PCDH7: variants seen among roughly 807,000 people sequenced by gnomAD.
PCDH7 encodes protocadherin 7, also known as protocadherin-7.
A neutral mutation model predicts 58.9 loss-of-function variants in PCDH7; 17 were observed. That is an observed-to-expected ratio of 0.29 (90% CI 0.20 to 0.43). PCDH7 has a LOEUF of 0.43. Among genes scored for constraint, PCDH7 ranks in the 20% least tolerant of loss-of-function variants. PCDH7 has a pLI of 1.00. For missense variants in PCDH7, 1,274 were observed against 1,441.0 expected (o/e 0.88, Z 1.88); for synonymous variants, 664 against 616.4 (o/e 1.08, Z -1.14).
intron 3 of PCDH7, among the ~76,000 whole-genome samples, chr4:31,126,867 G>C (rs765116951): frequency 6.6e-6 from 1 of 152,116 alleles, no homozygotes; most frequent in African/African-American, 2.4e-5. Context: ...GTTTCTGATA[G>C]GATTGATTTA....
At chr4:30,873,745 A>G (rs1357168426) in intron 1 of PCDH7, among the ~76,000 whole-genome samples, 1 of 152,082 alleles carries the variant, frequency 6.6e-6, no homozygotes, top group Non-Finnish European at 1.5e-5. Context: ...TCGTAATGCA[A>G]ATACCACCTG....
Position 30,866,501 on chromosome 4 carries a change from G to C in PCDH7, c.71-53652G>C, listed in dbSNP as rs549326434. Among the ~76,000 whole-genome samples, 11 of 152,100 alleles carry C rather than the reference G, an allele frequency of 7.2e-5. No individual in the cohort carries two copies. In the South Asian group the frequency reaches 2.3e-3, roughly 32 times the overall value. Reference sequence around the variant, plus strand: ...TTATTTGACTTAGATCTTTTTAATAGAGGCATTTTTGGGCTGATTGCTGTA... The same window carrying C: ...TTATTTGACTTAGATCTTTTTAATACAGGCATTTTTGGGCTGATTGCTGTA... On this transcript the variant is annotated intron_variant, in intron 1 of 3. Transcript: ENST00000509759.
At chr4:30,907,361 C>T (rs1741091939) in intron 1 of PCDH7, among the ~76,000 whole-genome samples, 1 of 152,130 alleles carries the variant, frequency 6.6e-6, no homozygotes, top group African/African-American at 2.4e-5. Context: ...TACCCATCGA[C>T]AAAGGGCTAA....
At chr4:30,969,383 G>T (rs572742569) in intron 3 of PCDH7, among the ~76,000 whole-genome samples, 98 of 152,140 alleles carry the variant, frequency 6.4e-4, no homozygotes, top group Non-Finnish European at 1.2e-3. Context: ...AGCTTTCCAG[G>T]GGAATGTCAG....
At position 31,103,229 on chromosome 4, in the gene PCDH7, T is replaced by G. The variant is rs114491715; in HGVS notation, c.*8-39244T>G. ...ATACATTTGTTTTCTTATGCTTCCT[T>G]GCAGTGTTTCTATAATTAGAAAGCT... On this transcript the variant is annotated intron_variant, in intron 3 of 3. Coordinates refer to the PCDH7 transcript ENST00000509759. Among the ~76,000 whole-genome samples, 1,431 of 152,318 alleles carry G rather than the reference T, an allele frequency of 9.4e-3. 15 individuals are homozygous for G. The highest frequency in any genetic ancestry group is 0.033 in the African/African-American group (1,357 of 41,576).
chr4:30,892,920 T>G (rs926316173), intron 1 of PCDH7, among the ~76,000 whole-genome samples: 1 of 152,098 alleles, frequency 6.6e-6, no homozygotes, highest in Non-Finnish European at 1.5e-5. Context: ...TATCACTTCC[T>G]GTTTACCTAG....
intron 1 of PCDH7, among the ~76,000 whole-genome samples, chr4:30,840,150 T>TA (rs530802566): frequency 6.3e-5 from 9 of 143,742 alleles, no homozygotes; most frequent in African/African-American, 2.0e-4. Flanking sequence ...TTTCAGTTAT[T>TA]TTTTTTTTAA....
At chr4:30,882,427 T>C (rs1362891452) in intron 1 of PCDH7, among the ~76,000 whole-genome samples, 3 of 151,992 alleles carry the variant, frequency 2.0e-5, no homozygotes, top group Non-Finnish European at 4.4e-5. Context: ...CTGGCTAATA[T>C]GTTTTGTTCT....
chr4:30,903,534 T>G (rs1740501544), intron 1 of PCDH7, among the ~76,000 whole-genome samples: 2 of 152,136 alleles, frequency 1.3e-5, no homozygotes, highest in Admixed American at 1.3e-4. Context: ...ATTCAGTCAT[T>G]TATAGAGCAC....
At chr4:30,943,576 T>A (rs1746313759) in intron 2 of PCDH7, among the ~76,000 whole-genome samples, 1 of 152,098 alleles carries the variant, frequency 6.6e-6, no homozygotes, top group South Asian at 2.1e-4. Context: ...ATCAGAGTGG[T>A]CTTAACCTCT....
At chr4:31,136,280 CTT>C (rs1719592416) in intron 3 of PCDH7, among the ~76,000 whole-genome samples, 2 of 152,170 alleles carry the variant, frequency 1.3e-5, no homozygotes, top group African/African-American at 2.4e-5. Context: ...GACATTAACT[CTT>C]TTATCCCACA....
intron 3 of PCDH7, among the ~76,000 whole-genome samples, chr4:30,983,585 A>C (rs1266951622): frequency 6.6e-6 from 1 of 152,194 alleles, no homozygotes; most frequent in Non-Finnish European, 1.5e-5. Context: ...TTTTCATCAC[A>C]CTTTATTTCA....
At chr4:30,750,715 A>T (rs966726334) in intron 1 of PCDH7, among the ~76,000 whole-genome samples, 3 of 152,152 alleles carry the variant, frequency 2.0e-5, no homozygotes, top group African/African-American at 7.2e-5. Flanking sequence ...TACTGAGAAC[A>T]TGCTGCATTC....
intron 3 of PCDH7, among the ~76,000 whole-genome samples, chr4:31,055,157 TA>T (rs1757048870): frequency 6.6e-6 from 1 of 152,336 alleles, no homozygotes; most frequent in South Asian, 2.1e-4. Flanking sequence ...CCTTAACTGA[TA>T]TTTTTTTATT....
At chr4:31,052,731 G>C (rs1003489271) in intron 3 of PCDH7, among the ~76,000 whole-genome samples, 2 of 152,156 alleles carry the variant, frequency 1.3e-5, no homozygotes, top group Admixed American at 6.6e-5. Flanking sequence ...TGTTTAATAT[G>C]ATGAGCTGCT....
chr4:31,143,363 G>A (rs2109350571), downstream of PCDH7: 1 of 153,234 alleles, frequency 6.5e-6, no homozygotes, highest in East Asian at 1.9e-4. Context: ...TCCTTTGAAA[G>A]TGATAGAGTC....
intron 3 of PCDH7, among the ~76,000 whole-genome samples, chr4:31,084,115 A>AAAAATACC (rs1483053843): frequency 6.6e-6 from 1 of 152,200 alleles, no homozygotes; most frequent in East Asian, 1.9e-4. Context: ...CAGATTATTA[A>AAAAATACC]AAAATACCAC....
intron 3 of PCDH7, among the ~76,000 whole-genome samples, chr4:31,026,273 G>C (rs1754416112): frequency 6.6e-6 from 1 of 152,014 alleles, no homozygotes; most frequent in Admixed American, 6.6e-5. Flanking sequence ...AGTGTCATTT[G>C]CCTCTATTTT....
At chr4:30,910,029 A>T (rs1314268586) in intron 1 of PCDH7, among the ~76,000 whole-genome samples, 1 of 152,188 alleles carries the variant, frequency 6.6e-6, no homozygotes, top group Non-Finnish European at 1.5e-5. Flanking sequence ...CCACACATCT[A>T]CAACCATCTG....
Sources: gnomAD v4.1 joint callset for allele counts (sites outside exome capture counted in the v4.1 genomes callset) on GRCh38, gnomAD v4.1.1 for gene constraint, MANE v1.5 for transcripts, NCBI Gene and HGNC (gene_info 2026-07-23, HGNC 2026-07-21) for gene names.